The following HSD17B2 variants were observed in gnomAD, a reference collection of about 807,000 sequenced individuals.
The protein encoded by HSD17B2 is 17-beta-hydroxysteroid dehydrogenase type 2.
Under a neutral mutation model 26.9 loss-of-function variants are expected in HSD17B2, and 32 were observed. That is an observed-to-expected ratio of 1.19 (90% CI 0.90 to 1.60). The LOEUF (loss-of-function observed/expected upper bound fraction) is 1.60, where lower values mean the gene tolerates loss of function less well. HSD17B2 is among the 40% of genes most tolerant of loss of function. HSD17B2 has a pLI of 0.00. For missense variants in HSD17B2, 613 were observed against 468.6 expected (o/e 1.31, Z -2.85); for synonymous variants, 246 against 186.7 (o/e 1.32, Z -2.59).
intron 3 of HSD17B2, among the ~76,000 whole-genome samples, chr16:82,075,698 A>G (rs1269349566): frequency 1.3e-5 from 2 of 152,138 alleles, no homozygotes; most frequent in African/African-American, 4.8e-5. Flanking sequence ...GATCAATAAC[A>G]AGTAACGAGT....
intron 1 of HSD17B2, among the ~76,000 whole-genome samples, chr16:82,051,391 AAGG>A (rs1914102179): frequency 6.6e-6 from 1 of 152,238 alleles, no homozygotes; most frequent in Non-Finnish European, 1.5e-5. Flanking sequence ...ATGGACTAAA[AAGG>A]AATGAGATAA....
intron 4 of HSD17B2, chr16:82,095,159 T>A (rs916227008): frequency 6.6e-6 from 1 of 152,054 alleles, no homozygotes; most frequent in African/African-American, 2.4e-5. Context: ...TAAAGAAGAA[T>A]GAGGTGTCAG....
intron 4 of HSD17B2, chr16:82,097,240 GTCTA>G (rs1904868309): frequency 6.6e-6 from 1 of 150,440 alleles, no homozygotes; most frequent in Non-Finnish European, 1.5e-5. Context: ...CTATGTCTAT[GTCTA>G]TGTCTATGTC....
At chr16:82,074,965 T>G (rs8191202) in intron 3 of HSD17B2, among the ~76,000 whole-genome samples, 2 of 152,144 alleles carry the variant, frequency 1.3e-5, no homozygotes, top group Non-Finnish European at 2.9e-5. Context: ...AAACAAGTCT[T>G]AAAACATTTT....
chr16:82,048,241 C>G lies in HSD17B2; in HGVS notation c.265+12552C>G, dbSNP rs145006323. On this transcript the variant is annotated intron_variant, in intron 1 of 4. Transcript: ENST00000199936. Reference sequence around the variant, plus strand: ...CACTGGGCGGTGGGGTCCACTCATACCTATAGGATAGGAGGTGGAAGGGAG... The same window carrying G: ...CACTGGGCGGTGGGGTCCACTCATAGCTATAGGATAGGAGGTGGAAGGGAG... Among the ~76,000 whole-genome samples the G allele has an allele frequency of 9.2e-3, 1,395 of 152,160 alleles. 15 individuals carry two copies. Among genetic ancestry groups the G allele is most frequent in the African/African-American group, 0.032 (1,334 of 41,508 alleles).
chr16:82,048,454 G>A (rs913465919), intron 1 of HSD17B2, among the ~76,000 whole-genome samples: 1 of 152,196 alleles, frequency 6.6e-6, no homozygotes, highest in African/African-American at 2.4e-5. Flanking sequence ...ATGTTAGTGA[G>A]CAACTCTGAA....
chr16:82,086,566 G>A (rs1289693545), intron 3 of HSD17B2, among the ~76,000 whole-genome samples: 2 of 152,152 alleles, frequency 1.3e-5, no homozygotes, highest in African/African-American at 4.8e-5. Context: ...CAAATTGACT[G>A]AATAGTTCAC....
At chr16:82,043,126 C>G (rs1913812652) in intron 1 of HSD17B2, among the ~76,000 whole-genome samples, 1 of 152,192 alleles carries the variant, frequency 6.6e-6, no homozygotes, top group Non-Finnish European at 1.5e-5. Context: ...CAGGCTATCA[C>G]AGACTCCTTC....
At position 82,087,040 on chromosome 16, in the gene HSD17B2, A is replaced by G. The variant is rs1174753894; in HGVS notation, c.665-3862A>G. ...TGATCTCATTTAACTTTACTTTTTT[A>G]GAGTCCTCATTTCCAAATACAGCTA... On this transcript the variant is annotated intron_variant, in intron 3 of 4. Coordinates refer to ENST00000199936, the MANE Select transcript of HSD17B2 (RefSeq NM_002153.3). Among the ~76,000 whole-genome samples the G allele has an allele frequency of 3.9e-5, 6 of 152,290 alleles. No homozygotes were observed. The East Asian group carries it at 1.2e-3, about 29-fold the overall frequency.
At chr16:82,042,018 T>G (rs1913780736) in intron 1 of HSD17B2, among the ~76,000 whole-genome samples, 1 of 151,984 alleles carries the variant, frequency 6.6e-6, no homozygotes, top group South Asian at 2.1e-4. Context: ...TTTTAATTTT[T>G]TATGCACAGA....
intron 1 of HSD17B2, among the ~76,000 whole-genome samples, chr16:82,052,079 G>A (rs1394730531): frequency 2.0e-5 from 3 of 152,164 alleles, no homozygotes; most frequent in Non-Finnish European, 2.9e-5. Context: ...ATGTCTGTGC[G>A]GTGTATGACC....
At position 82,056,103 on chromosome 16, in the gene HSD17B2, G is replaced by C. The variant is rs184130018; in HGVS notation, c.266-12067G>C. Among the ~76,000 whole-genome samples, 41 of 152,224 alleles carry C rather than the reference G, an allele frequency of 2.7e-4. No individual in the cohort carries two copies. In the East Asian group the frequency reaches 2.9e-3, roughly 11 times the overall value. Reference sequence around the variant, plus strand: ...TTGCATCTTGTACCATTATATTTTGGAAGCGGCTGAGTGAGTTTTTGGTCA... The same window carrying C: ...TTGCATCTTGTACCATTATATTTTGCAAGCGGCTGAGTGAGTTTTTGGTCA... On this transcript the variant is annotated intron_variant, in intron 1 of 4. Coordinates refer to ENST00000199936, the MANE Select transcript of HSD17B2 (RefSeq NM_002153.3).
rs528096328 is a variant in HSD17B2 at position 82,088,197 on chromosome 16, G to A, written c.665-2705G>A. ...CTTAGTAATCCACATAGTAAACAAC[G>A]GCTGCTGGAGATTCTGAAGCAGGTG... On this transcript the variant is annotated intron_variant, in intron 3 of 4. Coordinates refer to ENST00000199936, the MANE Select transcript of HSD17B2 (RefSeq NM_002153.3). Among the ~76,000 whole-genome samples the A allele has an allele frequency of 4.9e-4, 74 of 152,216 alleles. 1 individual carries two copies. The highest frequency in any genetic ancestry group is 1.4e-3 in the African/African-American group (58 of 41,522).
At chr16:82,080,238 G>A (rs947186505) in intron 3 of HSD17B2, among the ~76,000 whole-genome samples, 9 of 152,150 alleles carry the variant, frequency 5.9e-5, no homozygotes, top group East Asian at 1.9e-4. Context: ...AAACATACAC[G>A]TCCCATTGTC....
chr16:82,050,410 C>T (rs1376347529), intron 1 of HSD17B2, among the ~76,000 whole-genome samples: 5 of 152,052 alleles, frequency 3.3e-5, no homozygotes, highest in African/African-American at 7.2e-5. Context: ...GTCCACGGCT[C>T]GTCACCTCCC....
At chr16:82,046,736 GTA>G (rs929642066) in intron 1 of HSD17B2, among the ~76,000 whole-genome samples, 2 of 152,096 alleles carry the variant, frequency 1.3e-5, no homozygotes, top group Admixed American at 6.5e-5. Context: ...AATGTACACA[GTA>G]TACTCAATAC....
chr16:82,062,913 C>G (rs551574666), intron 1 of HSD17B2, among the ~76,000 whole-genome samples: 94 of 152,354 alleles, frequency 6.2e-4, no homozygotes, highest in African/African-American at 1.4e-3. Context: ...TGAGCTGCCT[C>G]AGGACTTCAT....
chr16:82,045,696 C>CT (rs1031304424), intron 1 of HSD17B2, among the ~76,000 whole-genome samples: 57 of 152,338 alleles, frequency 3.7e-4, no homozygotes, highest in Middle Eastern at 3.4e-3. Flanking sequence ...AGCAAGCCCT[C>CT]TTTTTGTAGC....
Position 82,098,159 on chromosome 16 carries a change from G to T in HSD17B2, c.887G>T (p.Gly296Val). Residue 296 changes from glycine to valine, a missense_variant, in exon 5 of 5, where the codon GGC (glycine) becomes GTC (valine). Gly to Val is a moderately radical substitution (Grantham distance 109). Coordinates refer to ENST00000199936, the MANE Select transcript of HSD17B2 (RefSeq NM_002153.3). ...CCCGCTGAGGTACAGGAAGACTACG[G>T]CCAGGACTACATCTTAGCACAGCGG... ...HLPAEVQEDYGQDYILAQRNF... is the reference protein window; with the variant it reads ...HLPAEVQEDYVQDYILAQRNF... 2 of 1,614,046 alleles carry T rather than the reference G, an allele frequency of 1.2e-6. No homozygotes were observed. The highest frequency in any genetic ancestry group is 1.7e-6 in the Non-Finnish European group (2 of 1,179,994).
Sources: gnomAD v4.1 joint callset for allele counts (sites outside exome capture counted in the v4.1 genomes callset) on GRCh38, gnomAD v4.1.1 for gene constraint, MANE v1.5 for transcripts, NCBI Gene and HGNC (gene_info 2026-07-23, HGNC 2026-07-21) for gene names.